XIRP2: variants seen among roughly 807,000 people sequenced by gnomAD.
XIRP2 encodes the protein xin actin binding repeat containing 2.
In XIRP2, 236 loss-of-function variants were observed where a neutral mutation model predicts 277.0. The observed-to-expected ratio is 0.85, with a 90% confidence interval of 0.77 to 0.95. The LOEUF (loss-of-function observed/expected upper bound fraction) is 0.95, where lower values mean the gene tolerates loss of function less well. Among genes scored for constraint, XIRP2 ranks in the 40% least tolerant of loss-of-function variants. The probability of loss-of-function intolerance (pLI) is 0.00; values close to 1 mark genes in which losing one functional copy is unlikely to be tolerated. For synonymous variants in XIRP2, 1,490 were observed against 1,416.5 expected, an observed-to-expected ratio of 1.05 and a Z score of -1.17; for missense variants, 4,640 against 4,157.5, an observed-to-expected ratio of 1.12 and a Z score of -3.19.
intron 2 of XIRP2, among the ~76,000 whole-genome samples, chr2:167,075,808 ATT>A (rs5836132): frequency 1.3e-3 from 189 of 141,192 alleles, no homozygotes; most frequent in Middle Eastern, 7.4e-3. Flanking sequence ...TGCCCAGCTA[ATT>A]TTTTTTTTTT....
At position 167,246,045 on chromosome 2, in the gene XIRP2, C is replaced by T; in HGVS notation, c.4653C>T (p.Ser1551=). Residue 1551 remains serine (S), a synonymous_variant, in exon 9 of 11, where the codon AGC becomes AGT. Transcript: ENST00000409195. ...RVEKIEIIGK[S]IKETLEDLYS... is the part of the protein sequence containing the mutation. ...AAAAGATAGAAATTATTGGCAAGAGCATTAAAGAAACCTTAGAAGATCTCT... is the reference window on the plus strand; with the variant it reads ...AAAAGATAGAAATTATTGGCAAGAGTATTAAAGAAACCTTAGAAGATCTCT... 6.2e-7 allele frequency: 1 copy of T among 1,613,424 alleles called. No homozygotes were observed. Among genetic ancestry groups the T allele is most frequent in the Non-Finnish European group, 8.5e-7 (1 of 1,179,720 alleles).
intron 2 of XIRP2, among the ~76,000 whole-genome samples, chr2:167,075,530 G>A (rs1258043736): frequency 6.6e-6 from 1 of 152,134 alleles, no homozygotes; most frequent in Non-Finnish European, 1.5e-5. Context: ...GATTGCTAAA[G>A]GTTTTGCGTC....
chr2:167,144,786 T>C (rs1691819427), intron 3 of XIRP2, among the ~76,000 whole-genome samples: 1 of 152,176 alleles, frequency 6.6e-6, no homozygotes, highest in South Asian at 2.1e-4. Flanking sequence ...GGCATCAGAA[T>C]ATGAAGCCAA....
chr2:167,169,311 A>T (rs1176892442), intron 3 of XIRP2, among the ~76,000 whole-genome samples: 1 of 152,198 alleles, frequency 6.6e-6, no homozygotes, highest in African/African-American at 2.4e-5. Context: ...TGAAGGCAAA[A>T]CTTACAAAAA....
intron 2 of XIRP2, among the ~76,000 whole-genome samples, chr2:166,999,802 C>G (rs757319470): frequency 6.6e-6 from 1 of 152,022 alleles, no homozygotes; most frequent in Non-Finnish European, 1.5e-5. Flanking sequence ...ACTAAAAATT[C>G]AAGAGCATTT....
intron 2 of XIRP2, among the ~76,000 whole-genome samples, chr2:167,133,097 G>T (rs550592121): frequency 6.6e-6 from 1 of 152,162 alleles, no homozygotes; most frequent in Non-Finnish European, 1.5e-5. Flanking sequence ...AGGCCACAAA[G>T]CTTATTAGTA....
At chr2:167,167,289 G>A (rs1047030521) in intron 3 of XIRP2, among the ~76,000 whole-genome samples, 1 of 151,904 alleles carries the variant, frequency 6.6e-6, no homozygotes, top group African/African-American at 2.4e-5. Context: ...CTACTCTGAC[G>A]ATCTCTGTAT....
chr2:167,181,086 C>T (rs1692994580), intron 3 of XIRP2, among the ~76,000 whole-genome samples: 1 of 152,118 alleles, frequency 6.6e-6, no homozygotes, highest in African/African-American at 2.4e-5. Context: ...AGCATTGTTC[C>T]CTTAAAAACC....
chr2:167,007,837 G>A (rs546558470), intron 2 of XIRP2, among the ~76,000 whole-genome samples: 2 of 151,536 alleles, frequency 1.3e-5, no homozygotes, highest in South Asian at 4.2e-4. Flanking sequence ...ATCAAAGTGT[G>A]TACATTTTTA....
intron 2 of XIRP2, among the ~76,000 whole-genome samples, chr2:167,061,439 G>A (rs1689171921): frequency 6.6e-6 from 1 of 152,056 alleles, no homozygotes; most frequent in South Asian, 2.1e-4. Context: ...GCATCTTAGA[G>A]AGAAAGCATT....
intron 5 of XIRP2, among the ~76,000 whole-genome samples, chr2:167,234,744 G>C (rs1223667524): frequency 6.6e-6 from 1 of 151,632 alleles, no homozygotes; most frequent in Non-Finnish European, 1.5e-5. Context: ...CAAAGAATTA[G>C]GACTTGGAAT....
At chr2:166,914,104 A>G (rs1235185889) in intron 2 of XIRP2, among the ~76,000 whole-genome samples, 1 of 152,208 alleles carries the variant, frequency 6.6e-6, no homozygotes, top group East Asian at 1.9e-4. Flanking sequence ...CTGAGTCTTT[A>G]TCAGAGGAAC....
chr2:167,101,321 A>G (rs928271742), intron 2 of XIRP2, among the ~76,000 whole-genome samples: 2 of 152,330 alleles, frequency 1.3e-5, no homozygotes, highest in East Asian at 3.9e-4. Context: ...ATGTACATAT[A>G]TAATTTTTTA....
chr2:167,236,648 C>T (rs977620921), intron 5 of XIRP2, among the ~76,000 whole-genome samples: 1 of 151,986 alleles, frequency 6.6e-6, no homozygotes, highest in Admixed American at 6.6e-5. Flanking sequence ...TTATAACATA[C>T]CTAGTAAAGG....
At chr2:167,104,855 G>A (rs980680153) in intron 2 of XIRP2, among the ~76,000 whole-genome samples, 10 of 151,924 alleles carry the variant, frequency 6.6e-5, no homozygotes, top group African/African-American at 2.4e-4. Context: ...CACAATATCT[G>A]TTTATAGTAA....
chr2:167,145,486 A>G (rs560940770), intron 3 of XIRP2, among the ~76,000 whole-genome samples: 7 of 152,340 alleles, frequency 4.6e-5, no homozygotes, highest in Middle Eastern at 3.4e-3. Flanking sequence ...CAGTGTTCCA[A>G]TGAATTAGGT....
intron 2 of XIRP2, among the ~76,000 whole-genome samples, chr2:167,099,763 G>C (rs777210123): frequency 6.6e-6 from 1 of 151,910 alleles, no homozygotes; most frequent in Non-Finnish European, 1.5e-5. Context: ...ATGAGAGGGA[G>C]TTCCCTGACC....
At chr2:166,934,176 T>C (rs781583596) in intron 2 of XIRP2, among the ~76,000 whole-genome samples, 19 of 148,000 alleles carry the variant, frequency 1.3e-4, no homozygotes, top group Non-Finnish European at 2.1e-4. Flanking sequence ...GTCCATTTTG[T>C]TTAGGAAAAA....
At chr2:167,254,504 T>C (rs1307422445) in intron 10 of XIRP2, among the ~76,000 whole-genome samples, 1 of 151,910 alleles carries the variant, frequency 6.6e-6, no homozygotes, top group Non-Finnish European at 1.5e-5. Flanking sequence ...ACATTTTCTG[T>C]TAAGGTCTAG....
Sources: allele counts gnomAD v4.1 joint callset (sites outside exome capture counted in the v4.1 genomes callset), GRCh38; gene constraint gnomAD v4.1.1; transcripts MANE v1.5; gene names NCBI Gene and HGNC (gene_info 2026-07-23, HGNC 2026-07-21).